The following RARB variants were observed in gnomAD, a reference collection of about 807,000 sequenced individuals.
The protein encoded by RARB is HBV-activated protein.
In RARB, 17 loss-of-function variants were observed where a neutral mutation model predicts 51.9. That is an observed-to-expected ratio of 0.33 (90% CI 0.22 to 0.49). The LOEUF is 0.49. Among genes scored for constraint, RARB ranks in the 20% least tolerant of loss-of-function variants. The pLI is 0.99. For missense variants in RARB, 369 were observed against 550.8 expected (o/e 0.67, Z 3.30); for synonymous variants, 215 against 195.4 (o/e 1.10, Z -0.84).
chr3:25,025,161 T>TA (rs781746248), intron 2 of RARB: 3 of 152,148 alleles, frequency 2.0e-5, no homozygotes, highest in Non-Finnish European at 4.4e-5. Context: ...AAAGACTTGA[T>TA]ATTCCTCCTT....
chr3:24,948,478 T>G (rs1695821050), intron 2 of RARB, among the ~76,000 whole-genome samples: 1 of 152,318 alleles, frequency 6.6e-6, no homozygotes, highest in African/African-American at 2.4e-5. Context: ...TTCCTTTCTT[T>G]TAGGCTAGCA....
At chr3:25,346,507 CCCTGTTT>C (rs71659629) in intron 5 of RARB, among the ~76,000 whole-genome samples, 4,616 of 152,152 alleles carry the variant, frequency 0.03, 160 homozygotes, top group African/African-American at 0.09. Flanking sequence ...TATCTCTACT[CCCTGTTT>C]CCTGTATGTC....
chr3:25,241,971 C>T (rs372954652), intron 5 of RARB, among the ~76,000 whole-genome samples: 22 of 152,218 alleles, frequency 1.4e-4, no homozygotes, highest in African/African-American at 5.3e-4. Context: ...TCTCCAGCAT[C>T]TGTTGTTTCC....
At chr3:25,427,335 C>T (rs1345528961), upstream of RARB, among the ~76,000 whole-genome samples, 1 of 152,152 alleles carries the variant, frequency 6.6e-6, no homozygotes, top group Non-Finnish European at 1.5e-5. Context: ...TTTCTGTCCT[C>T]CCAGTTAACA....
chr3:24,831,301 C>T (rs994451436), intron 1 of RARB, among the ~76,000 whole-genome samples: 2 of 152,152 alleles, frequency 1.3e-5, no homozygotes, highest in African/African-American at 4.8e-5. Flanking sequence ...GTAATGAACA[C>T]ATAACAATTG....
At chr3:25,524,637 C>T (rs1300596019) in intron 3 of RARB, among the ~76,000 whole-genome samples, 2 of 144,982 alleles carry the variant, frequency 1.4e-5, no homozygotes, top group Non-Finnish European at 3.1e-5. Flanking sequence ...TGCCTCCCTC[C>T]TTCCTCCCTC....
chr3:25,087,193 G>A (rs1699119874), intron 3 of RARB, among the ~76,000 whole-genome samples: 1 of 152,242 alleles, frequency 6.6e-6, no homozygotes, highest in South Asian at 2.1e-4. Flanking sequence ...ATTCCAAAGG[G>A]AGGAAGGTAT....
chr3:24,991,593 T>C (rs1696912958), intron 2 of RARB, among the ~76,000 whole-genome samples: 1 of 152,178 alleles, frequency 6.6e-6, no homozygotes, highest in African/African-American at 2.4e-5. Context: ...TCCTTGTAGT[T>C]AGTTTTCCTG....
At chr3:25,484,609 T>C (rs972239921) in intron 2 of RARB, among the ~76,000 whole-genome samples, 1 of 152,212 alleles carries the variant, frequency 6.6e-6, no homozygotes, top group African/African-American at 2.4e-5. Context: ...ATGAAAATTA[T>C]ATGAAATTCA....
chr3:24,903,722 T>A (rs1359647732), intron 2 of RARB, among the ~76,000 whole-genome samples: 1 of 152,114 alleles, frequency 6.6e-6, no homozygotes, highest in Non-Finnish European at 1.5e-5. Context: ...ATCTGATAAA[T>A]ACTGACATCA....
chr3:25,541,019 G>A (rs1559458463), intron 3 of RARB, among the ~76,000 whole-genome samples: 1 of 152,152 alleles, frequency 6.6e-6, no homozygotes, highest in Non-Finnish European at 1.5e-5. Context: ...AGTAAACTGT[G>A]GCCTGTGGGC....
intron 5 of RARB, among the ~76,000 whole-genome samples, chr3:25,419,818 A>G (rs930557809): frequency 6.6e-6 from 1 of 152,138 alleles, no homozygotes; most frequent in African/African-American, 2.4e-5. Context: ...TTTACCTCCC[A>G]TGCTTATGTG....
At chr3:25,526,958 G>A (rs1328254829) in intron 3 of RARB, among the ~76,000 whole-genome samples, 1 of 152,234 alleles carries the variant, frequency 6.6e-6, no homozygotes, top group Non-Finnish European at 1.5e-5. Flanking sequence ...GAAGCAGGGT[G>A]TGTGTGGGAG....
At chr3:24,951,827 T>G (rs1456192809) in intron 2 of RARB, among the ~76,000 whole-genome samples, 1 of 152,232 alleles carries the variant, frequency 6.6e-6, no homozygotes, top group Non-Finnish European at 1.5e-5. Context: ...AACAATTTAT[T>G]GATTAACCTT....
Position 25,039,361 on chromosome 3 carries a change from T to C in RARB, c.-379-20764T>C, listed in dbSNP as rs186953351. ...TGGTGGGGCAGATCAGTAAAGCCTT[T>C]TAATTCTGATGGTGAAAAATGTTGT... On this transcript the variant is annotated intron_variant, in intron 2 of 11. Coordinates refer to the RARB transcript ENST00000383772. 2.4e-3 allele frequency among the ~76,000 whole-genome samples: 367 copies of C among 152,332 alleles called. 2 individuals are homozygous for C. The highest frequency in any genetic ancestry group is 8.2e-3 in the African/African-American group (342 of 41,588).
rs555134989 is a variant in RARB, at chr3:24,900,342, T to A, written c.-380+41590T>A. Among the ~76,000 whole-genome samples, 8 of 152,352 alleles carry A rather than the reference T, an allele frequency of 5.3e-5. No homozygotes were observed. The South Asian group carries it at 1.7e-3, about 32-fold the overall frequency. Reference sequence around the variant, plus strand: ...TGTGGAATGAAAGAGAGAGGCTGATTACAACATAATGGAGTGTACCATATT... The same window carrying A: ...TGTGGAATGAAAGAGAGAGGCTGATAACAACATAATGGAGTGTACCATATT... On this transcript the variant is annotated intron_variant, in intron 2 of 11. Transcript: ENST00000383772.
intron 5 of RARB, among the ~76,000 whole-genome samples, chr3:25,582,255 T>G (rs1185985787): frequency 6.6e-6 from 1 of 152,184 alleles, no homozygotes; most frequent in Non-Finnish European, 1.5e-5. Flanking sequence ...GAACTTAAAA[T>G]GTAACACTCA....
chr3:25,341,793 C>G (rs752031545), intron 5 of RARB, among the ~76,000 whole-genome samples: 23 of 152,166 alleles, frequency 1.5e-4, no homozygotes, highest in Non-Finnish European at 3.1e-4. Flanking sequence ...AAAGAATTGT[C>G]TGACCCAAAA....
At chr3:24,940,921 G>A (rs528537364) in intron 2 of RARB, among the ~76,000 whole-genome samples, 1 of 152,288 alleles carries the variant, frequency 6.6e-6, no homozygotes, top group Admixed American at 6.5e-5. Flanking sequence ...ACTGGGACCA[G>A]GGAGAGATAG....
Sources: gnomAD v4.1 joint callset for allele counts (sites outside exome capture counted in the v4.1 genomes callset) on GRCh38, gnomAD v4.1.1 for gene constraint, MANE v1.5 for transcripts, NCBI Gene and HGNC (gene_info 2026-07-23, HGNC 2026-07-21) for gene names.